The following SLC44A1 variants were observed in gnomAD, a reference collection of about 807,000 sequenced individuals.
The protein encoded by SLC44A1 is solute carrier family 44 member 1, also known as choline transporter-like protein 1.
A neutral mutation model predicts 79.3 loss-of-function variants in SLC44A1; 26 were observed. That is an observed-to-expected ratio of 0.33 (90% CI 0.24 to 0.46). The LOEUF (loss-of-function observed/expected upper bound fraction) is 0.46, where lower values mean the gene tolerates loss of function less well. SLC44A1 is among the 20% of genes least tolerant of loss of function. SLC44A1 has a pLI of 1.00. For synonymous variants in SLC44A1, 263 were observed against 286.2 expected (o/e 0.92, Z 0.82); for missense variants, 688 against 798.1 (o/e 0.86, Z 1.66).
chr9:105,327,132 C>G (rs1826604072), intron 3 of SLC44A1, among the ~76,000 whole-genome samples: 1 of 152,090 alleles, frequency 6.6e-6, no homozygotes, highest in African/African-American at 2.4e-5. Context: ...TATTCACATT[C>G]CCACCCTAGT....
intron 13 of SLC44A1, among the ~76,000 whole-genome samples, chr9:105,377,981 C>G (rs1370001903): frequency 1.3e-5 from 2 of 152,138 alleles, no homozygotes; most frequent in African/African-American, 4.8e-5. Context: ...GGCACGGTGG[C>G]TCACGCCCAT....
chr9:105,429,469 A>C (rs765466923), intron 15 of SLC44A1, among the ~76,000 whole-genome samples: 3 of 152,106 alleles, frequency 2.0e-5, no homozygotes, highest in Non-Finnish European at 4.4e-5. Context: ...TGCCTGGCTA[A>C]TTTTTGAATT....
At position 105,393,464 on chromosome 9, in the gene SLC44A1, C is replaced by A. The variant is rs1828811251; in HGVS notation, c.*4408C>A. 3 of 981,270 alleles carry A rather than the reference C, an allele frequency of 3.1e-6. No homozygotes were observed. Among genetic ancestry groups the A allele is most frequent in the Non-Finnish European group, 3.6e-6 (3 of 826,132 alleles). The allele number at this position is 981,270 out of a possible 1,614,324, so 60.8% of individuals were successfully genotyped here. A position where few individuals can be genotyped will look rare whatever the true frequency, so the allele number is the denominator to read the frequency against. On this transcript the variant is annotated 3_prime_UTR_variant, in exon 16 of 16. Coordinates refer to ENST00000374720, the MANE Select transcript of SLC44A1 (RefSeq NM_080546.5). ...TAGCACACTTTTTCCATTCAGATTTCATACATTTGAGCCAAATTCTTATAC... is the reference window on the plus strand; with the variant it reads ...TAGCACACTTTTTCCATTCAGATTTAATACATTTGAGCCAAATTCTTATAC...
intron 1 of SLC44A1, among the ~76,000 whole-genome samples, chr9:105,274,987 T>C (rs931046831): frequency 2.0e-5 from 3 of 152,234 alleles, no homozygotes; most frequent in Admixed American, 2.0e-4. Flanking sequence ...AATTATATAA[T>C]TTGAAATCCA....
rs894170584 is a variant in SLC44A1, at chr9:105,342,986, A to C, written c.407-5372A>C. On this transcript the variant is annotated intron_variant, in intron 4 of 15. Transcript: ENST00000374720. ...AAGATCCTTGTCTCTAAAAAAAAAA[A>C]AATATATATATATAAATAAATAGAA... 1.4e-4 allele frequency among the ~76,000 whole-genome samples: 20 copies of C among 145,602 alleles called. No individual in the cohort carries two copies. The South Asian group carries it at 3.1e-3, about 23-fold the overall frequency.
chr9:105,370,470 T>G (rs1425102076), intron 12 of SLC44A1, among the ~76,000 whole-genome samples: 3 of 152,150 alleles, frequency 2.0e-5, no homozygotes, highest in Non-Finnish European at 4.4e-5. Flanking sequence ...CTCACAGAAA[T>G]TTCTCAGAGG....
chr9:105,286,042 G>C (rs191794310), intron 1 of SLC44A1, among the ~76,000 whole-genome samples: 1 of 152,116 alleles, frequency 6.6e-6, no homozygotes, highest in African/African-American at 2.4e-5. Context: ...TGGAGGTTGC[G>C]GTGAGCCGAG....
chr9:105,264,720 A>G (rs1034955365), intron 1 of SLC44A1, among the ~76,000 whole-genome samples: 1 of 152,034 alleles, frequency 6.6e-6, no homozygotes, highest in East Asian at 1.9e-4. Flanking sequence ...CATACCTCCA[A>G]ACTGGGCTGG....
At chr9:105,260,730 A>G (rs1017327629) in intron 1 of SLC44A1, among the ~76,000 whole-genome samples, 3 of 152,164 alleles carry the variant, frequency 2.0e-5, no homozygotes, top group African/African-American at 7.2e-5. Flanking sequence ...ATGAACTGCT[A>G]TGGGGTCAGC....
At chr9:105,306,138 A>G (rs1257236177) in intron 2 of SLC44A1, among the ~76,000 whole-genome samples, 1 of 152,144 alleles carries the variant, frequency 6.6e-6, no homozygotes, top group Non-Finnish European at 1.5e-5. Flanking sequence ...TAGCTCAGTC[A>G]TTTGAACATT....
At chr9:105,420,351 G>A (rs1265891663) in intron 15 of SLC44A1, among the ~76,000 whole-genome samples, 1 of 152,060 alleles carries the variant, frequency 6.6e-6, no homozygotes, top group Non-Finnish European at 1.5e-5. Context: ...TTTACAAAAT[G>A]TCGGCGTTCT....
At chr9:105,288,586 C>T (rs993306278) in intron 1 of SLC44A1, among the ~76,000 whole-genome samples, 2 of 152,170 alleles carry the variant, frequency 1.3e-5, no homozygotes, top group Non-Finnish European at 2.9e-5. Context: ...TGGGATTAAG[C>T]GATCCTCTAG....
Position 105,389,704 on chromosome 9 carries a change from C to A in SLC44A1, c.*648C>A. 7.9e-7 allele frequency: 1 copy of A among 1,272,230 alleles called. No individual in the cohort carries two copies. Among genetic ancestry groups the A allele is most frequent in the Non-Finnish European group, 9.9e-7 (1 of 1,008,338 alleles). The allele number at this position is 1,272,230 out of a possible 1,614,324, so 78.8% of individuals were successfully genotyped here. On this transcript the variant is annotated 3_prime_UTR_variant, in exon 16 of 16. Coordinates refer to ENST00000374720, the MANE Select transcript of SLC44A1 (RefSeq NM_080546.5). The stretch of plus-strand genomic sequence containing the variant: ...CAACTCCTCAGGTATTTGTAGTTTA[C>A]CCTAACGCTTCTTTAAAAGAAAGTA...
Position 105,427,875 on chromosome 9 carries a change from G to T in SLC44A1, c.1951-10406G>T, listed in dbSNP as rs542653896. Among the ~76,000 whole-genome samples, 3 of 152,140 alleles carry T rather than the reference G, an allele frequency of 2.0e-5. No individual in the cohort carries two copies. The East Asian group carries it at 5.8e-4, about 29-fold the overall frequency. On this transcript the variant is annotated intron_variant, in intron 15 of 15. Transcript: ENST00000374724. ...ATCACCCTTAATAATAACGGCAAAA[G>T]ATGACAGCCCTTTGTTATTTTAATT...
At chr9:105,365,448 T>A in intron 10 of SLC44A1, 35 bp from the exon 11 acceptor site, 1 of 1,563,336 alleles carries the variant, frequency 6.4e-7, no homozygotes, top group Non-Finnish European at 8.8e-7. Flanking sequence ...ATCTAGGCTT[T>A]GTTTTAATTG....
At chr9:105,329,597 C>T (rs552071011) in intron 3 of SLC44A1, among the ~76,000 whole-genome samples, 16 of 152,206 alleles carry the variant, frequency 1.1e-4, no homozygotes, top group African/African-American at 3.6e-4. Flanking sequence ...ATCACTGTTC[C>T]GTGGCCATTT....
At chr9:105,304,735 C>A (rs1219142235) in intron 2 of SLC44A1, among the ~76,000 whole-genome samples, 1 of 152,024 alleles carries the variant, frequency 6.6e-6, no homozygotes, top group East Asian at 1.9e-4. Context: ...AAGGAGTGTT[C>A]ATGGCAAAGT....
At chr9:105,283,710 A>G (rs963293685) in intron 1 of SLC44A1, among the ~76,000 whole-genome samples, 3 of 152,218 alleles carry the variant, frequency 2.0e-5, no homozygotes, top group Admixed American at 6.5e-5. Flanking sequence ...TTTTTTAAAA[A>G]TCCAATCCCA....
In SLC44A1 at chr9:105,387,760, A is replaced by G. The variant is rs371519283; in HGVS notation, c.1951-1273A>G. 1.8e-3 allele frequency among the ~76,000 whole-genome samples: 276 copies of G among 152,240 alleles called. 1 individual carries two copies. The highest frequency in any genetic ancestry group is 6.4e-3 in the African/African-American group (267 of 41,558). ...TGGCCATGAGTTGGCACAGATTTCT[A>G]TAGTATTCTTTAATGAATGGTAGAT... On this transcript the variant is annotated intron_variant, in intron 15 of 15. Transcript: ENST00000374720.
Sources: gnomAD v4.1 joint callset for allele counts (sites outside exome capture counted in the v4.1 genomes callset) on GRCh38, gnomAD v4.1.1 for gene constraint, MANE v1.5 for transcripts, NCBI Gene and HGNC (gene_info 2026-07-23, HGNC 2026-07-21) for gene names.